FAM53A: variants seen among roughly 807,000 people sequenced by gnomAD.
The protein encoded by FAM53A is family with sequence similarity 53 member A.
A neutral mutation model predicts 26.6 loss-of-function variants in FAM53A; 28 were observed. The observed-to-expected ratio is 1.05, with a 90% CI of 0.78 to 1.45. The LOEUF (loss-of-function observed/expected upper bound fraction) is 1.45. FAM53A is among the 40% of genes most tolerant of loss of function. The pLI is 0.00. For synonymous variants in FAM53A, 290 were observed against 253.1 expected (o/e 1.15, Z -1.38); for missense variants, 650 against 575.8 (o/e 1.13, Z -1.32).
chr4:1,616,915 T>A (rs1714831215), downstream of FAM53A, among the ~76,000 whole-genome samples: 1 of 152,164 alleles, frequency 6.6e-6, no homozygotes, highest in Non-Finnish European at 1.5e-5. Context: ...AGCAGGTGGA[T>A]CACTTGAAAT....
At chr4:1,613,959 C>T (rs575649166), downstream of FAM53A, among the ~76,000 whole-genome samples, 9 of 152,282 alleles carry the variant, frequency 5.9e-5, no homozygotes, top group South Asian at 2.1e-4. Flanking sequence ...GAAACTGATA[C>T]GAAAACGTCA....
the FAM53A span, among the ~76,000 whole-genome samples, chr4:1,606,980 G>A: frequency 3.4e-3 from 519 of 152,312 alleles, no homozygotes; most frequent in Middle Eastern, 6.8e-3. Context: ...GGGTTTCGGC[G>A]TCTCCACAGC....
In FAM53A at chr4:1,649,930, C is replaced by T. The variant is rs111646992; in HGVS notation, c.882+5048G>A. Among the ~76,000 whole-genome samples, 245 of 95,008 alleles carry T rather than the reference C, an allele frequency of 2.6e-3. 1 individual carries two copies. Among genetic ancestry groups the T allele is most frequent in the African/African-American group, 1.0e-2 (214 of 21,482 alleles). The allele number at this position is 95,008 out of a possible 152,430, so 62.3% of individuals were successfully genotyped here. On this transcript the variant is annotated intron_variant, in intron 4 of 4. Transcript: ENST00000308132. The stretch of plus-strand genomic sequence containing the variant: ...TGACTGTGAGGTGGCACAGGCGTGG[C>T]GTTTGACTGTGAGGTGGCACAGGCG...
At chr4:1,600,626 T>G in the FAM53A span, among the ~76,000 whole-genome samples, 1 of 152,218 alleles carries the variant, frequency 6.6e-6, no homozygotes, top group Non-Finnish European at 1.5e-5. Context: ...TTGCCTCCCC[T>G]CTGCCCTGCT....
At chr4:1,599,028 G>A in the FAM53A span, among the ~76,000 whole-genome samples, 3 of 152,274 alleles carry the variant, frequency 2.0e-5, no homozygotes, top group Non-Finnish European at 4.4e-5. The surrounding 1 kb of genome is among the most constrained non-coding windows in gnomAD (Gnocchi z 6.1). Flanking sequence ...TCCTTCCCCG[G>A]CCCGCTTCCC....
chr4:1,599,492 G>C, the FAM53A span, among the ~76,000 whole-genome samples: 1 of 152,184 alleles, frequency 6.6e-6, no homozygotes, highest in Admixed American at 6.5e-5. This position sits in a 1 kb window ranked among gnomAD's most constrained non-coding sequence, Gnocchi z 6.1. Flanking sequence ...GAGCAGCACT[G>C]GACAGGAGGC....
chr4:1,663,137 A>C (rs1413179574), intron 2 of FAM53A, among the ~76,000 whole-genome samples: 1 of 152,160 alleles, frequency 6.6e-6, no homozygotes, highest in African/African-American at 2.4e-5. Flanking sequence ...AGGCAGAGTG[A>C]GCCGAGATCG....
intron 1 of FAM53A, among the ~76,000 whole-genome samples, chr4:1,622,398 C>G (rs4865444): frequency 0.29 from 43,769 of 152,174 alleles, 7,544 homozygotes; most frequent in Admixed American, 0.39. Context: ...TCCCTGGGGA[C>G]TCCTTTGTGG....
At chr4:1,593,479 CCAAA>C in the FAM53A span, among the ~76,000 whole-genome samples, 37 of 152,192 alleles carry the variant, frequency 2.4e-4, no homozygotes, top group Non-Finnish European at 4.0e-4. Context: ...TGAAAAGAGC[CCAAA>C]CAAAGAAGTG....
At chr4:1,615,243 A>ACG (rs1714764109), downstream of FAM53A, among the ~76,000 whole-genome samples, 1 of 149,724 alleles carries the variant, frequency 6.7e-6, no homozygotes, top group African/African-American at 2.5e-5. Flanking sequence ...GCCTGGGCAC[A>ACG]CATGGAAGAC....
At chr4:1,667,452 G>A (rs931190615) in intron 2 of FAM53A, among the ~76,000 whole-genome samples, 10 of 152,192 alleles carry the variant, frequency 6.6e-5, no homozygotes, top group Admixed American at 5.2e-4. Flanking sequence ...ACTAATTACA[G>A]GACACAGCCA....
chr4:1,646,758 G>C (rs938012746), intron 4 of FAM53A, among the ~76,000 whole-genome samples: 3 of 152,190 alleles, frequency 2.0e-5, no homozygotes, highest in African/African-American at 7.2e-5. Flanking sequence ...CCCCAAAGCT[G>C]CCTGCCTGTC....
the FAM53A span, among the ~76,000 whole-genome samples, chr4:1,601,022 CCCCAGGGCCACG>C: frequency 1.3e-5 from 2 of 152,144 alleles, no homozygotes. Context: ...GGCAGACGCC[CCCCAGGGCCACG>C]CCCAGGGCCA....
chr4:1,579,732 C>A, the FAM53A span, among the ~76,000 whole-genome samples: 7 of 152,298 alleles, frequency 4.6e-5, no homozygotes, highest in South Asian at 6.2e-4. Flanking sequence ...CACGCGTGTC[C>A]CCAGGGCGCC....
intron 4 of FAM53A, among the ~76,000 whole-genome samples, chr4:1,643,813 C>G (rs371161502): frequency 6.6e-6 from 1 of 152,076 alleles, no homozygotes; most frequent in Admixed American, 6.5e-5. Context: ...ACAATCCTCC[C>G]GCCTCAGCCT....
the FAM53A span, among the ~76,000 whole-genome samples, chr4:1,601,233 C>CCGGGGGAGATGGGATGGGGGAGGTG: frequency 2.3e-3 from 196 of 87,046 alleles, 1 homozygote; most frequent in Middle Eastern, 0.011. Flanking sequence ...CGCAACAGGT[C>CCGGGGGAGATGGGATGGGGGAGGTG]GGACACCCAC....
chr4:1,652,249 ACAC>A (rs1480741732), intron 4 of FAM53A, among the ~76,000 whole-genome samples: 2 of 144,456 alleles, frequency 1.4e-5, no homozygotes, highest in African/African-American at 2.6e-5. Context: ...CACACCACAC[ACAC>A]CACACGCCAG....
At chr4:1,603,815 T>C in the FAM53A span, among the ~76,000 whole-genome samples, 560 of 152,192 alleles carry the variant, frequency 3.7e-3, 6 homozygotes, top group African/African-American at 0.013. Flanking sequence ...CCAGGGAGCC[T>C]GGGGTGTGGA....
chr4:1,660,977 G>GC (rs1184663037), intron 2 of FAM53A, among the ~76,000 whole-genome samples: 1 of 151,912 alleles, frequency 6.6e-6, no homozygotes, highest in Non-Finnish European at 1.5e-5. Context: ...GGACACCACA[G>GC]CCCGCCACCC....
Sources: gnomAD v4.1 joint callset for allele counts (sites outside exome capture counted in the v4.1 genomes callset) on GRCh38, gnomAD v4.1.1 for gene constraint, Gnocchi (gnomAD v3.1) non-coding constraint, MANE v1.5 for transcripts, NCBI Gene and HGNC (gene_info 2026-07-23, HGNC 2026-07-21) for gene names.